NAV1: variants seen among roughly 807,000 people sequenced by gnomAD.
NAV1 encodes the protein pore membrane and/or filament interacting like protein 3.
Under a neutral mutation model 175.2 loss-of-function variants are expected in NAV1, and 18 were observed. The ratio of observed to expected loss-of-function variants is 0.10; its 90% CI spans 0.07 to 0.15. NAV1 has a LOEUF of 0.15. Ranked by LOEUF, NAV1 falls within the 10% of genes least tolerant of loss-of-function variation. NAV1 has a pLI of 1.00. For missense variants in NAV1, 1,731 were observed against 2,436.6 expected (o/e 0.71, Z 6.10); for synonymous variants, 897 against 978.7 (o/e 0.92, Z 1.56).
chr1:201,727,746 A>C (rs1672670718), intron 3 of NAV1, among the ~76,000 whole-genome samples: 1 of 152,230 alleles, frequency 6.6e-6, no homozygotes. Context: ...TGCTGTGGGC[A>C]ACTGGGGCTT....
At chr1:201,603,843 C>A (rs139382226) in intron 2 of NAV1, among the ~76,000 whole-genome samples, 1 of 152,292 alleles carries the variant, frequency 6.6e-6, no homozygotes, top group East Asian at 1.9e-4. Context: ...GGTCTTTGGG[C>A]ATCGGGAACA....
At chr1:201,786,637 G>A (rs1676769988) in intron 9 of NAV1, 60 bp downstream of exon 13, 1 of 1,536,294 alleles carries the variant, frequency 6.5e-7, no homozygotes, top group Non-Finnish European at 8.8e-7. Flanking sequence ...CCTGCAGGGT[G>A]AGGCAAGGCA....
chr1:201,631,565 C>T (rs1481530770), intron 2 of NAV1, among the ~76,000 whole-genome samples: 1 of 152,242 alleles, frequency 6.6e-6, no homozygotes, highest in Non-Finnish European at 1.5e-5. Flanking sequence ...TCCAGTGAGA[C>T]TTATCTAGAG....
chr1:201,729,825 G>A (rs1405349961), intron 3 of NAV1, among the ~76,000 whole-genome samples: 1 of 152,196 alleles, frequency 6.6e-6, no homozygotes, highest in African/African-American at 2.4e-5. Flanking sequence ...AGAATGGCGT[G>A]AACCCGGGAG....
At chr1:201,816,859 A>T (rs1679068525) in intron 28 of NAV1, 2 of 529,838 alleles carry the variant, frequency 3.8e-6, no homozygotes, top group Admixed American at 6.9e-5. Context: ...TTTTTAGTAG[A>T]AACAGGGTTT....
At position 201,603,166 on chromosome 1, in the gene NAV1, C is replaced by A. The variant is rs71635550; in HGVS notation, c.-33+14517C>A. ...AGGGAGACTGGACTGAAAATTACAG[C>A]AGGAAAGGTTTAGGCTAGACATCAA... On this transcript the variant is annotated intron_variant, in intron 2 of 33. Transcript: ENST00000685211. Among the ~76,000 whole-genome samples the A allele has an allele frequency of 9.1e-3, 1,392 of 152,282 alleles. 8 individuals are homozygous for A. The highest frequency in any genetic ancestry group is 0.014 in the Non-Finnish European group (953 of 68,016).
intron 2 of NAV1, among the ~76,000 whole-genome samples, chr1:201,603,339 G>C (rs946197154): frequency 6.6e-6 from 1 of 152,150 alleles, no homozygotes; most frequent in African/African-American, 2.4e-5. Flanking sequence ...TGACTCTCAT[G>C]TTCTGAAAGG....
At chr1:201,578,714 C>T (rs1040884463) in intron 1 of NAV1, among the ~76,000 whole-genome samples, 7 of 152,334 alleles carry the variant, frequency 4.6e-5, no homozygotes, top group African/African-American at 1.2e-4. Flanking sequence ...ACTTGCCCTT[C>T]GCTGCCCTGG....
chr1:201,773,993 C>A (rs1221637966), intron 3 of NAV1, among the ~76,000 whole-genome samples: 1 of 152,142 alleles, frequency 6.6e-6, no homozygotes, highest in African/African-American at 2.4e-5. Flanking sequence ...ACTTTTGACA[C>A]CATTTCTGTC....
chr1:201,800,506 T>C (rs1439577864), intron 15 of NAV1, among the ~76,000 whole-genome samples: 2 of 152,228 alleles, frequency 1.3e-5, no homozygotes, highest in Non-Finnish European at 2.9e-5. Context: ...GCTGCTTTCA[T>C]GCTATAACAG....
At chr1:201,626,784 G>T (rs980807802) in intron 1 of NAV1, among the ~76,000 whole-genome samples, 1 of 152,216 alleles carries the variant, frequency 6.6e-6, no homozygotes, top group Non-Finnish European at 1.5e-5. Flanking sequence ...CAGGAGCGTA[G>T]GGTTACTGGT....
Position 201,788,744 on chromosome 1 carries a change from C to T in NAV1, c.3166+106C>T. 3 of 1,289,510 alleles carry T rather than the reference C, an allele frequency of 2.3e-6. No individual in the cohort carries two copies. Among genetic ancestry groups the T allele is most frequent in the Non-Finnish European group, 3.2e-6 (3 of 939,732 alleles). 79.9% of individuals were successfully genotyped at this position (1,289,510 alleles called of 1,614,324 possible). ...CCTACCACCACACACATATATGATT[C>T]ACAGAACATCAAGTTGGGCCATTTC... On this transcript the variant is annotated intron_variant, in intron 10 of 29. Transcript: ENST00000367296. The surrounding 1 kb of genome is among the most constrained non-coding windows in gnomAD (Gnocchi z 5.7).
chr1:201,573,574 C>T (rs751333408), intron 1 of NAV1, among the ~76,000 whole-genome samples: 1 of 152,160 alleles, frequency 6.6e-6, no homozygotes, highest in African/African-American at 2.4e-5. Context: ...CAGTCAGGAC[C>T]CTCCATCATG....
intron 15 of NAV1, chr1:201,797,739 A>G (rs1287733700): frequency 6.6e-6 from 1 of 152,200 alleles, no homozygotes; most frequent in Non-Finnish European, 1.5e-5. Flanking sequence ...TAGTTTTTAT[A>G]CTGTTCTAAA....
At chr1:201,638,244 C>A (rs1424201405) in intron 2 of NAV1, among the ~76,000 whole-genome samples, 1 of 152,232 alleles carries the variant, frequency 6.6e-6, no homozygotes, top group Non-Finnish European at 1.5e-5. Context: ...CTTGTTGGGA[C>A]TGTCAGGTCC....
At chr1:201,734,429 GA>G (rs1673001148) in intron 3 of NAV1, among the ~76,000 whole-genome samples, 1 of 145,754 alleles carries the variant, frequency 6.9e-6, no homozygotes, top group Non-Finnish European at 1.5e-5. Flanking sequence ...AAAAGAAGAA[GA>G]AGAGGAAGAA....
chr1:201,716,748 G>T (rs11587185), intron 2 of NAV1, among the ~76,000 whole-genome samples: 20,285 of 152,172 alleles, frequency 0.13, 1,369 homozygotes, highest in Middle Eastern at 0.24. Flanking sequence ...ATGTGCTCAT[G>T]TGTGCCTGTC....
chr1:201,739,853 A>C, intron 3 of NAV1: 2 of 1,272,560 alleles, frequency 1.6e-6, no homozygotes, highest in Non-Finnish European at 2.0e-6. Flanking sequence ...CCGTAAGTAC[A>C]AGCCCTGGTG....
At position 201,545,048 on chromosome 1, in the gene NAV1, C is replaced by T. The variant is rs553531607; in HGVS notation, c.-144+5706C>T. ...TCCACATGAGCATCATCGCTACACT[C>T]TGTGTGACCTTGGGCAGGCCATGGA... is the stretch of plus-strand genomic sequence containing the variant. On this transcript the variant is annotated intron_variant, in intron 1 of 33. Coordinates refer to the NAV1 transcript ENST00000685211. Among the ~76,000 whole-genome samples, 3 of 152,350 alleles carry T rather than the reference C, an allele frequency of 2.0e-5. 1 individual carries two copies. The South Asian group carries it at 6.2e-4, about 32-fold the overall frequency.
Sources: allele counts gnomAD v4.1 joint callset (sites outside exome capture counted in the v4.1 genomes callset), GRCh38; gene constraint gnomAD v4.1.1; non-coding constraint Gnocchi (gnomAD v3.1); transcripts MANE v1.5; gene names NCBI Gene and HGNC (gene_info 2026-07-23, HGNC 2026-07-21).